PON1: variants seen among roughly 807,000 people sequenced by gnomAD.
PON1 encodes the protein paraoxonase 1.
A neutral mutation model predicts 39.2 loss-of-function variants in PON1; 37 were observed. The ratio of observed to expected loss-of-function variants is 0.94; its 90% CI spans 0.73 to 1.24. The LOEUF (loss-of-function observed/expected upper bound fraction) is 1.24, where lower values mean the gene tolerates loss of function less well. PON1 is among the 50% of genes most tolerant of loss of function. The pLI, the probability that PON1 is intolerant of heterozygous loss-of-function variation, is 0.00. For missense variants in PON1, 397 were observed against 413.5 expected (o/e 0.96, Z 0.35); for synonymous variants, 148 against 152.2 (o/e 0.97, Z 0.21).
intron 5 of PON1, among the ~76,000 whole-genome samples, chr7:95,308,475 CGTGTGTGTGT>C (rs10548570): frequency 0.011 from 1,585 of 147,180 alleles, 28 homozygotes; most frequent in African/African-American, 0.036. Context: ...AGTGTTACGT[CGTGTGTGTGT>C]GTGTGTGTGT....
At position 95,305,524 on chromosome 7, in the gene PON1, G is replaced by C. The variant is rs941712359; in HGVS notation, c.780+761C>G. The stretch of plus-strand genomic sequence containing the variant: ...GCTTACACCCTAGTTGGGGAATCAG[G>C]TAATAAAGGGTATGAATAAAATATA... On this transcript the variant is annotated intron_variant, in intron 7 of 8. Transcript: ENST00000222381. 3.3e-5 allele frequency among the ~76,000 whole-genome samples: 5 copies of C among 152,166 alleles called. No individual in the cohort carries two copies. In the South Asian group the frequency reaches 1.0e-3, roughly 31 times the overall value.
At chr7:95,306,956 T>A (rs531942083) in intron 6 of PON1, among the ~76,000 whole-genome samples, 2 of 152,218 alleles carry the variant, frequency 1.3e-5, no homozygotes, top group East Asian at 3.9e-4. Context: ...AATTATCTTC[T>A]ATTTTTTGAA....
At chr7:95,310,612 TAAG>T (rs1807632264) in intron 5 of PON1, among the ~76,000 whole-genome samples, 1 of 152,116 alleles carries the variant, frequency 6.6e-6, no homozygotes, top group South Asian at 2.1e-4. Flanking sequence ...AACCACCAGA[TAAG>T]AAAGAAGAGG....
intron 5 of PON1, 25 bp from the exon 6 acceptor site, chr7:95,308,236 A>G (rs1302895781): frequency 5.6e-6 from 9 of 1,593,040 alleles, no homozygotes; most frequent in South Asian, 4.4e-5. Context: ...TACACACATA[A>G]TATATAAGGT....
intron 6 of PON1, 56 bp from the exon 7 acceptor site, chr7:95,306,422 TAA>T: frequency 8.0e-7 from 1 of 1,256,514 alleles, no homozygotes; most frequent in Non-Finnish European, 1.2e-6. Flanking sequence ...CTTGAGAGAT[TAA>T]GATGAAGTTG....
At chr7:95,306,247 T>C (rs1450716691) in intron 7 of PON1, 38 bp downstream of exon 7, 1 of 1,462,514 alleles carries the variant, frequency 6.8e-7, no homozygotes, top group African/African-American at 1.4e-5. Flanking sequence ...TAGAATCTAA[T>C]TATCACTCTG....
intron 8 of PON1, 64 bp from the exon 9 acceptor site, chr7:95,299,166 A>AGGTTGT: frequency 1.4e-6 from 2 of 1,478,768 alleles, no homozygotes; most frequent in Non-Finnish European, 1.9e-6. Flanking sequence ...CTTATGCATA[A>AGGTTGT]TAGGGTCATC....
At chr7:95,315,226 T>G in intron 4 of PON1, 96 bp downstream of exon 4, 1 of 1,132,542 alleles carries the variant, frequency 8.8e-7, no homozygotes, top group Non-Finnish European at 1.3e-6. Flanking sequence ...TGACTATGCT[T>G]TGTTTGAATG....
intron 1 of PON1, among the ~76,000 whole-genome samples, chr7:95,319,305 C>T (rs1337047901): frequency 1.3e-5 from 2 of 151,922 alleles, no homozygotes; most frequent in Non-Finnish European, 2.9e-5. Context: ...AACAGACACG[C>T]TAGATAAAAT....
intron 1 of PON1, among the ~76,000 whole-genome samples, chr7:95,320,839 ATC>A (rs1347483857): frequency 1.3e-5 from 2 of 152,224 alleles, no homozygotes; most frequent in Non-Finnish European, 2.9e-5. Flanking sequence ...TCTGAGATAT[ATC>A]TCTGATTCAC....
intron 1 of PON1, 106 bp from the exon 2 acceptor site, chr7:95,318,499 A>C (rs1017672996): frequency 2.0e-6 from 2 of 1,013,166 alleles, no homozygotes; most frequent in African/African-American, 1.6e-5. Context: ...ACTTTGCCTG[A>C]GTTTCAACTC....
intron 3 of PON1, among the ~76,000 whole-genome samples, chr7:95,315,823 G>A (rs1807755731): frequency 6.6e-6 from 1 of 152,224 alleles, no homozygotes; most frequent in Non-Finnish European, 1.5e-5. Context: ...AATGATATAA[G>A]CAAGGAATAC....
At chr7:95,300,983 T>C (rs1323639090) in intron 8 of PON1, among the ~76,000 whole-genome samples, 1 of 151,992 alleles carries the variant, frequency 6.6e-6, no homozygotes, top group African/African-American at 2.4e-5. Context: ...CACATTTGTT[T>C]CTTTTTTTTT....
rs369422555 is a variant in PON1 at position 95,302,271 on chromosome 7, C to G, written c.843G>C (p.Trp281Cys). 3.3e-5 allele frequency: 53 copies of G among 1,608,684 alleles called. No homozygotes were observed. The highest frequency in any genetic ancestry group is 4.3e-5 in the Non-Finnish European group (51 of 1,175,370). Residue 281 changes from tryptophan (W) to cysteine (C), a missense_variant, in exon 8 of 9, where the codon TGG (tryptophan) becomes TGC (cysteine). Transcript: ENST00000222381. ...ISVDPETGDL[W>C]VGCHPNGMKI... ...TCATGCCATTGGGATGGCATCCAACCCAAAGGTCTCCTGTCTCAGGATCCA... is the reference window on the plus strand; with the variant it reads ...TCATGCCATTGGGATGGCATCCAACGCAAAGGTCTCCTGTCTCAGGATCCA...
chr7:95,311,589 T>C lies in PON1; in HGVS notation c.371-12A>G. The C allele has an allele frequency of 6.2e-7, 1 of 1,613,940 alleles. No individual in the cohort carries two copies. The highest frequency in any genetic ancestry group is 8.5e-7 in the Non-Finnish European group (1 of 1,179,918). ...GTACATGGCATTATCTGAGAGGAGA[T>C]TAAAAACAAAAATGAAACATTAACT... On this transcript the variant is annotated splice_polypyrimidine_tract_variant and intron_variant, in intron 4 of 8. Coordinates refer to ENST00000222381, the MANE Select transcript of PON1 (RefSeq NM_000446.7).
intron 6 of PON1, 28 bp from the exon 7 acceptor site, chr7:95,306,394 G>A: frequency 1.4e-6 from 2 of 1,422,770 alleles, no homozygotes; most frequent in Non-Finnish European, 2.0e-6. Flanking sequence ...CTACATCAAA[G>A]TACTAGAAGT....
At chr7:95,304,327 C>CT (rs34709624) in intron 7 of PON1, among the ~76,000 whole-genome samples, 5,471 of 109,456 alleles carry the variant, frequency 0.05, 541 homozygotes, top group African/African-American at 0.18. Flanking sequence ...AACTTCATTC[C>CT]TTTTTTTTTT....
At position 95,312,905 on chromosome 7, in the gene PON1, G is replaced by A. The variant is rs925250762; in HGVS notation, c.371-1328C>T. ...CTGGGAGCAGAGTGAAGGCAAGAGA[G>A]AGTGGGAGAGTGAGAGGGCTGAAAC... On this transcript the variant is annotated intron_variant, in intron 4 of 8. Transcript: ENST00000222381. Among the ~76,000 whole-genome samples, 7 of 152,362 alleles carry A rather than the reference G, an allele frequency of 4.6e-5. No individual in the cohort carries two copies. In the East Asian group the frequency reaches 1.2e-3, roughly 25 times the overall value.
At chr7:95,313,460 T>C (rs1482725793) in intron 4 of PON1, among the ~76,000 whole-genome samples, 2 of 152,234 alleles carry the variant, frequency 1.3e-5, no homozygotes, top group Non-Finnish European at 2.9e-5. Context: ...AAGAAATTTA[T>C]AGAAGGGGTT....
Sources: allele counts gnomAD v4.1 joint callset (sites outside exome capture counted in the v4.1 genomes callset), GRCh38; gene constraint gnomAD v4.1.1; transcripts MANE v1.5; gene names NCBI Gene and HGNC (gene_info 2026-07-23, HGNC 2026-07-21).